Variants in TASP1 observed in about 807,000 individuals in gnomAD.
TASP1 encodes taspase 1.
A neutral mutation model predicts 56.6 loss-of-function variants in TASP1; 16 were observed. The ratio of observed to expected loss-of-function variants is 0.28; its 90% CI spans 0.19 to 0.43. TASP1 has a LOEUF of 0.43. Among genes scored for constraint, TASP1 ranks in the 20% least tolerant of loss-of-function variants. The pLI, the probability that TASP1 is intolerant of heterozygous loss-of-function variation, is 1.00. For synonymous variants in TASP1, 179 were observed against 184.2 expected (o/e 0.97, Z 0.23); for missense variants, 393 against 511.6 (o/e 0.77, Z 2.24).
the TASP1 span, among the ~76,000 whole-genome samples, chr20:13,115,988 T>G: frequency 6.6e-6 from 1 of 152,180 alleles, no homozygotes; most frequent in Non-Finnish European, 1.5e-5. Flanking sequence ...AGCAATTAAT[T>G]TAAGAACATG....
intron 2 of TASP1, among the ~76,000 whole-genome samples, chr20:13,627,320 CTCTT>C (rs983237192): frequency 9.9e-5 from 15 of 152,204 alleles, no homozygotes; most frequent in African/African-American, 2.9e-4. Flanking sequence ...TAATCAATCA[CTCTT>C]TCTAATAATT....
rs565753911 is a variant in TASP1, at chr20:13,408,314, A to G, written c.1170+9134T>C. 3.5e-4 allele frequency among the ~76,000 whole-genome samples: 53 copies of G among 152,248 alleles called. 1 individual carries two copies. The South Asian group carries it at 5.0e-3, about 14-fold the overall frequency. On this transcript the variant is annotated intron_variant, in intron 13 of 13. Transcript: ENST00000337743. ...CAGGATCATTTGTTGGCAATGACTG[A>G]CTTTTGAAATGTTAAGTCAACTGTG...
At chr20:13,288,870 C>T in the TASP1 span, among the ~76,000 whole-genome samples, 1 of 152,074 alleles carries the variant, frequency 6.6e-6, no homozygotes, top group Admixed American at 6.5e-5. Context: ...CTGCAATCTC[C>T]ACCTCCTGGG....
At chr20:13,299,696 G>A in the TASP1 span, 54 of 435,622 alleles carry the variant, frequency 1.2e-4, no homozygotes, top group African/African-American at 8.1e-4. This position sits in a 1 kb window ranked among gnomAD's most constrained non-coding sequence, Gnocchi z 5.8. Flanking sequence ...AGCGATGTGG[G>A]CAGAAGGATG....
the TASP1 span, among the ~76,000 whole-genome samples, chr20:13,169,293 G>A: frequency 6.6e-6 from 1 of 152,062 alleles, no homozygotes; most frequent in Non-Finnish European, 1.5e-5. Context: ...CTTGAAATTG[G>A]CCACAATGGG....
intron 4 of TASP1, chr20:13,616,909 T>C (rs2048543385): frequency 1.4e-5 from 5 of 353,282 alleles, no homozygotes; most frequent in South Asian, 8.4e-5. Flanking sequence ...TGTCTGCACA[T>C]GGCCACCCAC....
intron 11 of TASP1, among the ~76,000 whole-genome samples, chr20:13,447,257 C>T (rs2043445322): frequency 6.6e-6 from 1 of 152,092 alleles, no homozygotes; most frequent in Non-Finnish European, 1.5e-5. Flanking sequence ...AGTAGTATCA[C>T]ACTACTGTCT....
chr20:13,161,136 G>T, the TASP1 span, among the ~76,000 whole-genome samples: 4 of 152,326 alleles, frequency 2.6e-5, no homozygotes, highest in African/African-American at 9.6e-5. Context: ...GAATGGAACT[G>T]CCATGACTTG....
the TASP1 span, among the ~76,000 whole-genome samples, chr20:13,152,524 A>G: frequency 1.3e-5 from 2 of 152,180 alleles, no homozygotes. Flanking sequence ...AGTGGCTTCT[A>G]TGTGAGTCAA....
the TASP1 span, among the ~76,000 whole-genome samples, chr20:13,376,314 C>T: frequency 6.6e-6 from 1 of 152,196 alleles, no homozygotes; most frequent in African/African-American, 2.4e-5. Context: ...TTTCCCAACA[C>T]CATTTATTAA....
chr20:13,160,127 G>A, the TASP1 span: 5 of 1,613,784 alleles, frequency 3.1e-6, no homozygotes, highest in Non-Finnish European at 4.2e-6. Flanking sequence ...GGAGATGTTA[G>A]ACACGGTGAG....
At chr20:13,579,923 G>A (rs1340136123) in intron 6 of TASP1, among the ~76,000 whole-genome samples, 2 of 152,086 alleles carry the variant, frequency 1.3e-5, no homozygotes, top group Admixed American at 6.6e-5. Flanking sequence ...TCAAAACACA[G>A]TAGAATCAAA....
the TASP1 span, chr20:13,292,533 G>T: frequency 1.1e-6 from 1 of 931,892 alleles, no homozygotes; most frequent in East Asian, 2.6e-5. Context: ...CTTTTGCAAT[G>T]CCATCCTTGG....
chr20:13,112,027 A>T, the TASP1 span, among the ~76,000 whole-genome samples: 6 of 152,230 alleles, frequency 3.9e-5, no homozygotes, highest in Non-Finnish European at 8.8e-5. Context: ...ACCAAACCAC[A>T]ATTTTGGTTG....
the TASP1 span, among the ~76,000 whole-genome samples, chr20:13,207,683 G>A: frequency 6.6e-6 from 1 of 152,140 alleles, no homozygotes; most frequent in Non-Finnish European, 1.5e-5. Context: ...GCTCTATTCT[G>A]GCCCTCAAGG....
chr20:13,437,123 A>G (rs1224340979), intron 11 of TASP1, among the ~76,000 whole-genome samples: 1 of 152,142 alleles, frequency 6.6e-6, no homozygotes, highest in Non-Finnish European at 1.5e-5. Context: ...AATACTGGCA[A>G]ACCGAATCCA....
At chr20:13,396,774 T>C (rs1023678969) in intron 13 of TASP1, among the ~76,000 whole-genome samples, 1 of 152,196 alleles carries the variant, frequency 6.6e-6, no homozygotes. Context: ...TCATACCTCA[T>C]TCTCCACGTT....
intron 10 of TASP1, among the ~76,000 whole-genome samples, chr20:13,487,514 T>A (rs982804698): frequency 6.6e-6 from 1 of 152,120 alleles, no homozygotes; most frequent in Admixed American, 6.6e-5. Context: ...GGCCAGGTCA[T>A]CTCACATTAA....
At chr20:13,513,267 C>T (rs2044404281) in intron 10 of TASP1, among the ~76,000 whole-genome samples, 1 of 152,016 alleles carries the variant, frequency 6.6e-6, no homozygotes, top group Admixed American at 6.6e-5. Flanking sequence ...ATCTTTAAGC[C>T]AATAGTCTCG....
Sources: allele counts gnomAD v4.1 joint callset (sites outside exome capture counted in the v4.1 genomes callset), GRCh38; gene constraint gnomAD v4.1.1; non-coding constraint Gnocchi (gnomAD v3.1); transcripts MANE v1.5; gene names NCBI Gene and HGNC (gene_info 2026-07-23, HGNC 2026-07-21).